Variants in ATP4A observed in about 807,000 individuals in gnomAD.
ATP4A encodes potassium-transporting ATPase alpha chain 1.
A neutral mutation model predicts 112.1 loss-of-function variants in ATP4A; 73 were observed. The ratio of observed to expected loss-of-function variants is 0.65; its 90% CI spans 0.54 to 0.79. The LOEUF is 0.79. ATP4A is among the 30% of genes least tolerant of loss of function. The pLI is 0.00. For missense variants in ATP4A, 1,081 were observed against 1,425.9 expected, an observed-to-expected ratio of 0.76 and a Z score of 3.90; for synonymous variants, 588 against 588.9, an observed-to-expected ratio of 1.00 and a Z score of 0.02.
Position 35,557,810 on chromosome 19 carries a change from C to A in ATP4A, c.1538G>T (p.Arg513Leu). ...IHTLEDPRDPRHLLVMKGAPE... is the reference protein window; with the variant it reads ...IHTLEDPRDPLHLLVMKGAPE... ...GGCGCCCTTCATCACCAGCAAGTGTCGCGGGTCCCGCGGGTCCTCCAGCGT... is the reference window on the plus strand; with the variant it reads ...GGCGCCCTTCATCACCAGCAAGTGTAGCGGGTCCCGCGGGTCCTCCAGCGT... The change falls in exon 11 of 22, where the codon CGA becomes CTA. Residue 513 changes from arginine to leucine, a missense_variant. Transcript: ENST00000262623. This position sits in a 1 kb window ranked among gnomAD's most constrained non-coding sequence, Gnocchi z 4.4. 6.4e-7 allele frequency: 1 copy of A among 1,550,474 alleles called. No homozygotes were observed. The highest frequency in any genetic ancestry group is 1.2e-5 in the South Asian group (1 of 85,170).
rs2071603350 is a variant in ATP4A at position 35,551,723 on chromosome 19, G to T, written c.2752-143C>A. 3 of 1,152,330 alleles carry T rather than the reference G, an allele frequency of 2.6e-6. No homozygotes were observed. In the South Asian group the frequency reaches 4.4e-5, roughly 17 times the overall value. 71.4% of individuals were successfully genotyped at this position (1,152,330 alleles called of 1,614,324 possible). A position where few individuals can be genotyped will look rare whatever the true frequency, so the allele number is the denominator to read the frequency against. On this transcript the variant is annotated intron_variant, in intron 18 of 21. Transcript: ENST00000262623. This position sits in a 1 kb window ranked among gnomAD's most constrained non-coding sequence, Gnocchi z 5.2. Reference sequence around the variant, plus strand: ...CTTGCATCAGAGTGTGGGGGTGGGGGGAAGGAGAGAGGCAGGGTCTGCCAG... The same window carrying T: ...CTTGCATCAGAGTGTGGGGGTGGGGTGAAGGAGAGAGGCAGGGTCTGCCAG...
Position 35,559,695 on chromosome 19 carries a change from G to T in ATP4A, c.1056+110C>A. ...TGGGAAGGCAGGAGAATGGATGGGA[G>T]CTAAGTGGACAGATAGACAGGCAGG... is the stretch of plus-strand genomic sequence containing the variant. On this transcript the variant is annotated intron_variant, in intron 7 of 21. Coordinates refer to ENST00000262623, the MANE Select transcript of ATP4A (RefSeq NM_000704.3). The surrounding 1 kb of genome is among the most constrained non-coding windows in gnomAD (Gnocchi z 4.1). The T allele has an allele frequency of 6.8e-7, 1 of 1,464,830 alleles. No homozygotes were observed. Among genetic ancestry groups the T allele is most frequent in the Non-Finnish European group, 9.1e-7 (1 of 1,093,014 alleles). 90.7% of individuals were successfully genotyped at this position (1,464,830 alleles called of 1,614,324 possible).
rs755378042 is a variant in ATP4A at position 35,560,042 on chromosome 19, G to A, written c.819C>T (p.Gly273=). The stretch of plus-strand genomic sequence containing the variant: ...CGATGCGCCCAATGATGGTGCGGTC[G>A]CCCGTGTTCACCACCAGGCCCTGCA... ...GTVQGLVVNT[G]DRTIIGRIAS... is the part of the protein sequence containing the mutation. The change falls in exon 7 of 22, where the codon GGC becomes GGT. Residue 273 remains glycine (G), a synonymous_variant. Transcript: ENST00000262623. The surrounding 1 kb of genome is among the most constrained non-coding windows in gnomAD (Gnocchi z 5.1). The A allele has an allele frequency of 8.1e-6, 13 of 1,613,964 alleles. No homozygotes were observed. Among genetic ancestry groups the A allele is most frequent in the African/African-American group, 5.3e-5 (4 of 74,930 alleles).
intron 16 of ATP4A, among the ~76,000 whole-genome samples, 185 bp downstream of exon 16, chr19:35,554,737 T>TAC (rs2071620585): frequency 8.6e-6 from 1 of 116,856 alleles, no homozygotes; most frequent in Non-Finnish European, 1.9e-5. Flanking sequence ...CATGGCTGTA[T>TAC]GTCCATTTAG....
chr19:35,559,155 T>C lies in ATP4A; in HGVS notation c.1093A>G (p.Lys365Glu). Residue 365 changes from lysine to glutamate, a missense_variant, in exon 8 of 22, where the codon AAG (lysine) becomes GAG (glutamate). By Grantham distance (56) the Lys-to-Glu change is moderately conservative. This residue lies in a region of ATP4A where 850 missense variants were observed against 1,068.2 expected (regional missense o/e 0.80). Coordinates refer to ENST00000262623, the MANE Select transcript of ATP4A (RefSeq NM_000704.3). This position sits in a 1 kb window ranked among gnomAD's most constrained non-coding sequence, Gnocchi z 4.1. The stretch of plus-strand genomic sequence containing the variant: ...TCCAGGTTCTTGACCACGCAGTTCT[T>C]ACTGGCCAGGCGCTTGGCTGTCAGG... ...LSLTAKRLASKNCVVKNLEAV... is the reference protein window; with the variant it reads ...LSLTAKRLASENCVVKNLEAV... 6.2e-7 allele frequency: 1 copy of C among 1,614,138 alleles called. No homozygotes were observed. Among genetic ancestry groups the C allele is most frequent in the Non-Finnish European group, 8.5e-7 (1 of 1,180,018 alleles).
Position 35,558,668 on chromosome 19 carries a change from G to A in ATP4A, c.1274C>T (p.Ser425Phe), listed in dbSNP as rs764577189. 7 of 1,601,784 alleles carry A rather than the reference G, an allele frequency of 4.4e-6. No homozygotes were observed. The Admixed American group carries it at 6.9e-5, about 16-fold the overall frequency. Residue 425 changes from serine (S) to phenylalanine (F), a missense_variant, in exon 9 of 22, where the codon TCC becomes TTC. Coordinates refer to ENST00000262623, the MANE Select transcript of ATP4A (RefSeq NM_000704.3). The surrounding 1 kb of genome is among the most constrained non-coding windows in gnomAD (Gnocchi z 5.1). Reference sequence around the variant, plus strand: ...GCACAGCGCCCGCCACGTCTCCGAGGACTGGTCAAACGTCTGCCCTGCAGA... The same window carrying A: ...GCACAGCGCCCGCCACGTCTCCGAGAACTGGTCAAACGTCTGCCCTGCAGA... Reference protein sequence around the residue: ...EDQSGQTFDQSSETWRALCRV... With the variant: ...EDQSGQTFDQFSETWRALCRV...
Position 35,558,335 on chromosome 19 carries a change from AG to A in ATP4A, c.1500+26del. The A allele has an allele frequency of 5.6e-6, 9 of 1,596,900 alleles. No individual in the cohort carries two copies. The highest frequency in any genetic ancestry group is 7.7e-6 in the Non-Finnish European group (9 of 1,172,226). On this transcript the variant is annotated intron_variant, in intron 10 of 21. Coordinates refer to ENST00000262623, the MANE Select transcript of ATP4A (RefSeq NM_000704.3). This position sits in a 1 kb window ranked among gnomAD's most constrained non-coding sequence, Gnocchi z 5.1. ...GGCGGGGCCCGAGGTGGGCGGGCCC[AG>A]GCCGTGGGCGGGGCCGGCTGCGCAC...
intron 18 of ATP4A, among the ~76,000 whole-genome samples, chr19:35,552,035 C>T (rs2146306009): frequency 6.6e-6 from 1 of 152,236 alleles, no homozygotes; most frequent in Admixed American, 6.5e-5. Context: ...CTATGCAGCC[C>T]ATTTCTTCAA....
rs954444597 is a variant in ATP4A, at chr19:35,559,376, C to T, written c.1057-185G>A. Among the ~76,000 whole-genome samples the T allele has an allele frequency of 9.9e-5, 15 of 152,260 alleles. No homozygotes were observed. The highest frequency in any genetic ancestry group is 3.6e-4 in the African/African-American group (15 of 41,472). ...GCCAGTGCTTTGTTTGGGACTCCTT[C>T]CCCAGTCTGCCCAGATACAGTAGCG... is the stretch of plus-strand genomic sequence containing the variant. On this transcript the variant is annotated intron_variant, in intron 7 of 21. Coordinates refer to ENST00000262623, the MANE Select transcript of ATP4A (RefSeq NM_000704.3). The surrounding 1 kb of genome is among the most constrained non-coding windows in gnomAD (Gnocchi z 4.1).
At position 35,560,502 on chromosome 19, in the gene ATP4A, G is replaced by A; in HGVS notation, c.648C>T (p.Ile216=). 1 of 1,613,654 alleles carries A rather than the reference G, an allele frequency of 6.2e-7. No individual in the cohort carries two copies. The highest frequency in any genetic ancestry group is 8.5e-7 in the Non-Finnish European group (1 of 1,180,022). Residue 216 remains isoleucine (I), a synonymous_variant, in exon 6 of 22, where the codon ATC becomes ATT. Coordinates refer to ENST00000262623, the MANE Select transcript of ATP4A (RefSeq NM_000704.3). This position sits in a 1 kb window ranked among gnomAD's most constrained non-coding sequence, Gnocchi z 5.1. ...GGDRVPADIR[I]LAAQGCKVDN... ...CCACCTTGCAGCCCTGGGCCGCCAGGATGCGGATGTCGGCGGGCACTCTGT... is the reference window on the plus strand; with the variant it reads ...CCACCTTGCAGCCCTGGGCCGCCAGAATGCGGATGTCGGCGGGCACTCTGT...
chr19:35,557,196 G>A lies in ATP4A; in HGVS notation c.1694-108C>T. The A allele has an allele frequency of 2.3e-6, 3 of 1,286,478 alleles. No individual in the cohort carries two copies. The highest frequency in any genetic ancestry group is 2.4e-5 in the East Asian group (1 of 41,252). 79.7% of individuals were successfully genotyped at this position (1,286,478 alleles called of 1,614,324 possible). A position where few individuals can be genotyped will look rare whatever the true frequency, so the allele number is the denominator to read the frequency against. ...CCCCTTGCACCAAACACCTATGGAT[G>A]CCTGACCTTGTGCTGACCCCTTCAC... On this transcript the variant is annotated intron_variant, in intron 11 of 21. Coordinates refer to ENST00000262623, the MANE Select transcript of ATP4A (RefSeq NM_000704.3). The surrounding 1 kb of genome is among the most constrained non-coding windows in gnomAD (Gnocchi z 4.4).
rs778418692 is a variant in ATP4A, at chr19:35,553,690, G to T, written c.2605+16C>A. 4 of 1,612,326 alleles carry T rather than the reference G, an allele frequency of 2.5e-6. No homozygotes were observed. The Admixed American group carries it at 6.7e-5, about 27-fold the overall frequency. On this transcript the variant is annotated intron_variant, in intron 17 of 21. Coordinates refer to ENST00000262623, the MANE Select transcript of ATP4A (RefSeq NM_000704.3). The stretch of plus-strand genomic sequence containing the variant: ...GAGCCCCCCACCTCCAGGCTCCCCG[G>T]CCCACGGGCACCCACCAATCTGGAA...
In ATP4A at chr19:35,553,626, C is replaced by A. The variant is rs907636530; in HGVS notation, c.2605+80G>T. 3.2e-6 allele frequency: 5 copies of A among 1,562,860 alleles called. No homozygotes were observed. In the Admixed American group the frequency reaches 9.2e-5, roughly 29 times the overall value. ...CACTGAGGTCCAGAACCAGCCGGAG[C>A]CCAAGGCAGGGCCTGGGGCAGGCGA... On this transcript the variant is annotated intron_variant, in intron 17 of 21. Coordinates refer to ENST00000262623, the MANE Select transcript of ATP4A (RefSeq NM_000704.3).
rs2071661220 is a variant in ATP4A, at chr19:35,560,338, G to A, written c.787+25C>T. 1 of 1,610,708 alleles carries A rather than the reference G, an allele frequency of 6.2e-7. No homozygotes were observed. The highest frequency in any genetic ancestry group is 8.5e-7 in the Non-Finnish European group (1 of 1,178,012). On this transcript the variant is annotated intron_variant, in intron 6 of 21. Coordinates refer to ENST00000262623, the MANE Select transcript of ATP4A (RefSeq NM_000704.3). The surrounding 1 kb of genome is among the most constrained non-coding windows in gnomAD (Gnocchi z 5.1). ...GGCCAGTGGAGGCAGCAGTTACTGGGCAGGCAGGCGGGGGCTTCACAGACC... is the reference window on the plus strand; with the variant it reads ...GGCCAGTGGAGGCAGCAGTTACTGGACAGGCAGGCGGGGGCTTCACAGACC...
chr19:35,553,664 A>G, intron 17 of ATP4A, 42 bp downstream of exon 17: 1 of 1,607,714 alleles, frequency 6.2e-7, no homozygotes, highest in Non-Finnish European at 8.5e-7. Flanking sequence ...AGCCCAGCGC[A>G]GAGCCCCCCA....
intron 3 of ATP4A, 24 bp from the exon 4 acceptor site, chr19:35,562,662 G>T (rs370305373): frequency 5.8e-6 from 9 of 1,560,224 alleles, no homozygotes; most frequent in Non-Finnish European, 6.9e-6. Context: ...GCAGGGCGAG[G>T]CGGTCCTGGG....
In ATP4A at chr19:35,557,297, CAGAG is replaced by C. The variant is rs1025342511; in HGVS notation, c.1694-213_1694-210del. Among the ~76,000 whole-genome samples the C allele has an allele frequency of 2.0e-5, 3 of 152,128 alleles. No individual in the cohort carries two copies. Among genetic ancestry groups the C allele is most frequent in the Non-Finnish European group, 2.9e-5 (2 of 68,032 alleles). ...TCTTACAGATGAGGAAACTGAGGCTCAGAGAGGGGACATTTCTTGCCAGAGGTCA... is the reference window on the plus strand; with the variant it reads ...TCTTACAGATGAGGAAACTGAGGCTCAGGGGACATTTCTTGCCAGAGGTCA... On this transcript the variant is annotated intron_variant, in intron 11 of 21. Transcript: ENST00000262623. The surrounding 1 kb of genome is among the most constrained non-coding windows in gnomAD (Gnocchi z 4.4).
rs2071644736 is a variant in ATP4A at position 35,558,285 on chromosome 19, G to A, written c.1500+77C>T. 6.6e-7 allele frequency: 1 copy of A among 1,510,326 alleles called. No individual in the cohort carries two copies. The allele number at this position is 1,510,326 out of a possible 1,614,324, so 93.6% of individuals were successfully genotyped here. On this transcript the variant is annotated intron_variant, in intron 10 of 21. Transcript: ENST00000262623. This position sits in a 1 kb window ranked among gnomAD's most constrained non-coding sequence, Gnocchi z 5.1. ...GGGGCAAGGAGCGAAGCCCCTCGTGGCCCGCTGATGTGGGTGTGGCCTGGG... is the reference window on the plus strand; with the variant it reads ...GGGGCAAGGAGCGAAGCCCCTCGTGACCCGCTGATGTGGGTGTGGCCTGGG...
In ATP4A at chr19:35,553,025, G is replaced by A. The variant is rs754036779; in HGVS notation, c.2751+12C>T. On this transcript the variant is annotated intron_variant, in intron 18 of 21. Transcript: ENST00000262623. Reference sequence around the variant, plus strand: ...GGAGCCCAGGGATGGGATGGGGCGGGGCAGGGCTCACCCACTCCTGGCCGT... The same window carrying A: ...GGAGCCCAGGGATGGGATGGGGCGGAGCAGGGCTCACCCACTCCTGGCCGT... The A allele has an allele frequency of 1.3e-6, 2 of 1,588,200 alleles. No homozygotes were observed. The highest frequency in any genetic ancestry group is 2.2e-5 in the South Asian group (2 of 89,276).
Sources: allele counts gnomAD v4.1 joint callset (sites outside exome capture counted in the v4.1 genomes callset), GRCh38; gene constraint gnomAD v4.1.1; regional missense constraint gnomAD v4.1.1; non-coding constraint Gnocchi (gnomAD v3.1); transcripts MANE v1.5; gene names NCBI Gene and HGNC (gene_info 2026-07-23, HGNC 2026-07-21).